Variants in VPS13B observed in about 807,000 individuals in gnomAD.
VPS13B encodes vacuolar protein sorting 13 homolog B, also known as intermembrane lipid transfer protein VPS13B.
Under a neutral mutation model 426.4 loss-of-function variants are expected in VPS13B, and 285 were observed. The observed-to-expected ratio is 0.67, with a 90% CI of 0.61 to 0.74. VPS13B has a LOEUF of 0.74. Among genes scored for constraint, VPS13B ranks in the 30% least tolerant of loss-of-function variants. The pLI, the probability that VPS13B is intolerant of heterozygous loss-of-function variation, is 0.00. For synonymous variants in VPS13B, 1,676 were observed against 1,676.4 expected, an observed-to-expected ratio of 1.00 and a Z score of 0.01; for missense variants, 4,537 against 4,782.6, an observed-to-expected ratio of 0.95 and a Z score of 1.51.
chr8:99,457,056 G>C (rs1444589861), intron 23 of VPS13B, among the ~76,000 whole-genome samples: 1 of 148,282 alleles, frequency 6.7e-6, no homozygotes, highest in Non-Finnish European at 1.5e-5. Flanking sequence ...TTTTGAGACA[G>C]AATCTCACTC....
At chr8:99,553,561 A>G (rs967168778) in intron 30 of VPS13B, among the ~76,000 whole-genome samples, 2 of 152,088 alleles carry the variant, frequency 1.3e-5, no homozygotes, top group African/African-American at 4.8e-5. Flanking sequence ...TAGTTTTTCA[A>G]TTACACATAT....
chr8:99,364,057 G>A (rs1171183418), intron 19 of VPS13B, among the ~76,000 whole-genome samples: 1 of 152,116 alleles, frequency 6.6e-6, no homozygotes, highest in Non-Finnish European at 1.5e-5. Context: ...CAGAGGAAGG[G>A]CTTTCTGATT....
At chr8:99,719,936 C>T (rs1293362430) in intron 37 of VPS13B, among the ~76,000 whole-genome samples, 1 of 152,156 alleles carries the variant, frequency 6.6e-6, no homozygotes, top group African/African-American at 2.4e-5. Context: ...CTTATTTAAT[C>T]TCATGGCAGA....
intron 24 of VPS13B, among the ~76,000 whole-genome samples, chr8:99,479,976 C>T (rs940417453): frequency 6.6e-6 from 1 of 152,076 alleles, no homozygotes; most frequent in Non-Finnish European, 1.5e-5. Flanking sequence ...ACTGTCAAAT[C>T]GTATTCTAAA....
chr8:99,238,913 T>C (rs965926681), intron 17 of VPS13B, among the ~76,000 whole-genome samples: 1 of 152,098 alleles, frequency 6.6e-6, no homozygotes, highest in Non-Finnish European at 1.5e-5. Context: ...GAAAAACATC[T>C]TTTTCCCCTC....
At chr8:99,817,296 G>A (rs1814097565) in intron 44 of VPS13B, among the ~76,000 whole-genome samples, 1 of 151,752 alleles carries the variant, frequency 6.6e-6, no homozygotes, top group Non-Finnish European at 1.5e-5. Context: ...GCCAGCACCT[G>A]AGCAGCATTT....
At chr8:99,585,995 T>C (rs1178741090) in intron 33 of VPS13B, among the ~76,000 whole-genome samples, 2 of 152,194 alleles carry the variant, frequency 1.3e-5, no homozygotes, top group Admixed American at 1.3e-4. Flanking sequence ...TTAGCCCACA[T>C]GAGAGTGAAA....
At chr8:99,449,272 T>A (rs1818071943) in intron 23 of VPS13B, among the ~76,000 whole-genome samples, 2 of 152,204 alleles carry the variant, frequency 1.3e-5, no homozygotes, top group Non-Finnish European at 2.9e-5. Flanking sequence ...TAGATGTCAA[T>A]ATACATTATT....
intron 22 of VPS13B, among the ~76,000 whole-genome samples, chr8:99,440,892 A>G (rs564112495): frequency 2.0e-5 from 3 of 152,180 alleles, no homozygotes; most frequent in Non-Finnish European, 2.9e-5. Flanking sequence ...CTGACACTTC[A>G]TATTTTGACC....
chr8:99,460,877 C>T (rs966475654), intron 23 of VPS13B, among the ~76,000 whole-genome samples: 1 of 152,182 alleles, frequency 6.6e-6, no homozygotes, highest in African/African-American at 2.4e-5. Flanking sequence ...GCTAGTGGAA[C>T]CTCCTCTGTG....
chr8:99,343,097 CT>C (rs759780417), intron 19 of VPS13B, among the ~76,000 whole-genome samples: 223 of 142,112 alleles, frequency 1.6e-3, no homozygotes, highest in Admixed American at 1.9e-3. Context: ...ATTTTTCTTT[CT>C]TTTTTTTTTT....
intron 33 of VPS13B, among the ~76,000 whole-genome samples, chr8:99,584,221 C>T (rs1184673652): frequency 6.6e-6 from 1 of 152,190 alleles, no homozygotes; most frequent in Non-Finnish European, 1.5e-5. Context: ...ATTGAACTCT[C>T]ACATCTGTCA....
At chr8:99,570,731 T>C (rs1825432366) in intron 31 of VPS13B, among the ~76,000 whole-genome samples, 1 of 152,130 alleles carries the variant, frequency 6.6e-6, no homozygotes, top group Admixed American at 6.5e-5. Flanking sequence ...ATATATAAAA[T>C]AGTCTGTATT....
chr8:99,236,827 C>T (rs544714183), intron 17 of VPS13B, among the ~76,000 whole-genome samples: 1 of 152,322 alleles, frequency 6.6e-6, no homozygotes, highest in African/African-American at 2.4e-5. Context: ...AGATTTCTTA[C>T]ATTTGATAAT....
At position 99,115,794 on chromosome 8, in the gene VPS13B, A is replaced by G. The variant is rs753075331; in HGVS notation, c.857A>G (p.Tyr286Cys). ...RIMQLGIALY[Y>C]GEIGNFKEGE... ...ATGCAACTTGGAATTGCTCTTTACT[A>G]TGGAGAAATAGGCAATTTTAAAGAA... Residue 286 changes from tyrosine (Y) to cysteine (C), a missense_variant, in exon 7 of 62, where the codon TAT (tyrosine) becomes TGT (cysteine). Tyr to Cys is a radical substitution (Grantham distance 194). Transcript: ENST00000357162. 1.9e-5 allele frequency: 31 copies of G among 1,613,652 alleles called. No individual in the cohort carries two copies. The highest frequency in any genetic ancestry group is 6.7e-5 in the East Asian group (3 of 44,772).
chr8:99,536,140 G>A (rs180834341), intron 30 of VPS13B, among the ~76,000 whole-genome samples: 16 of 152,006 alleles, frequency 1.1e-4, no homozygotes, highest in Admixed American at 3.3e-4. Flanking sequence ...GTAGAGACAG[G>A]GTTTCACCAT....
rs185477506 is a variant in VPS13B, at chr8:99,844,516, C to T, written c.9943-4260C>T. On this transcript the variant is annotated intron_variant, in intron 54 of 61. Transcript: ENST00000357162. Reference sequence around the variant, plus strand: ...CCGAGTAGCTGGGATTACAGGCACCCGCCACCATGCCCAGCTAATTTTTGT... The same window carrying T: ...CCGAGTAGCTGGGATTACAGGCACCTGCCACCATGCCCAGCTAATTTTTGT... 3.4e-3 allele frequency among the ~76,000 whole-genome samples: 511 copies of T among 151,866 alleles called. 6 individuals are homozygous for T. The highest frequency in any genetic ancestry group is 5.2e-3 in the Non-Finnish European group (352 of 67,918).
chr8:99,675,152 G>C (rs1378364837), intron 35 of VPS13B, among the ~76,000 whole-genome samples: 2 of 151,346 alleles, frequency 1.3e-5, no homozygotes, highest in Non-Finnish European at 2.9e-5. Context: ...GCTTTTGTTT[G>C]TCCAGGAAAG....
intron 35 of VPS13B, among the ~76,000 whole-genome samples, chr8:99,682,703 G>A (rs962092895): frequency 1.3e-5 from 2 of 152,186 alleles, no homozygotes; most frequent in South Asian, 2.1e-4. Context: ...CCTGAAGCCA[G>A]CACAGCACTG....
Sources: gnomAD v4.1 joint callset for allele counts (sites outside exome capture counted in the v4.1 genomes callset) on GRCh38, gnomAD v4.1.1 for gene constraint, MANE v1.5 for transcripts, NCBI Gene and HGNC (gene_info 2026-07-23, HGNC 2026-07-21) for gene names.